CDON: variants seen among roughly 807,000 people sequenced by gnomAD.
CDON encodes the protein cell adhesion molecule-related/down-regulated by oncogenes.
A neutral mutation model predicts 120.9 loss-of-function variants in CDON; 73 were observed. The ratio of observed to expected loss-of-function variants is 0.60; its 90% confidence interval spans 0.50 to 0.73. CDON has a LOEUF of 0.73. Ranked by LOEUF, CDON falls within the 30% of genes least tolerant of loss-of-function variation. The pLI, the probability that CDON is intolerant of heterozygous loss-of-function variation, is 0.00. For missense variants in CDON, 1,470 were observed against 1,587.3 expected (o/e 0.93, Z 1.26); for synonymous variants, 566 against 573.5 (o/e 0.99, Z 0.19).
At chr11:126,043,431 T>C (rs565075976) in intron 1 of CDON, among the ~76,000 whole-genome samples, 1 of 152,318 alleles carries the variant, frequency 6.6e-6, no homozygotes, top group East Asian at 1.9e-4. Flanking sequence ...ACTTTCGTTC[T>C]TTTGTTGCTT....
chr11:125,971,410 A>ATTAATTAAT (rs1347556572), intron 18 of CDON, among the ~76,000 whole-genome samples: 3 of 150,752 alleles, frequency 2.0e-5, no homozygotes, highest in African/African-American at 7.4e-5. Flanking sequence ...AAATAAATAA[A>ATTAATTAAT]TAATAATAAT....
intron 1 of CDON, among the ~76,000 whole-genome samples, chr11:126,031,070 A>G (rs577227626): frequency 6.6e-5 from 10 of 152,352 alleles, no homozygotes; most frequent in Non-Finnish European, 1.5e-4. Flanking sequence ...ATAAAGAAAA[A>G]AGTCTTAAAT....
At position 126,018,347 on chromosome 11, in the gene CDON, C is replaced by T. The variant is rs754962623; in HGVS notation, c.623G>A (p.Arg208Gln). 10 of 1,613,724 alleles carry T rather than the reference C, an allele frequency of 6.2e-6. No homozygotes were observed. In the Admixed American group the frequency reaches 6.7e-5, roughly 11 times the overall value. Residue 208 changes from arginine (R) to glutamine (Q), a missense_variant, in exon 5 of 20, where the codon CGA becomes CAA. Physicochemically the swap from Arg to Gln is conservative, Grantham distance 43. Coordinates refer to ENST00000531738, the MANE Select transcript of CDON (RefSeq NM_001378964.1). Reference protein sequence around the residue: ...THQLKVEPIGRKLLVSRPSSD... With the variant: ...THQLKVEPIGQKLLVSRPSSD... The stretch of plus-strand genomic sequence containing the variant: ...ATACTTACGACTCACAAGGAGCTTT[C>T]GGCCAATAGGTTCAACTTTTAATTG...
Position 126,017,198 on chromosome 11 carries a change from G to A in CDON, c.818C>T (p.Ser273Phe), listed in dbSNP as rs1410881017. 1 of 1,614,184 alleles carries A rather than the reference G, an allele frequency of 6.2e-7. No homozygotes were observed. Among genetic ancestry groups the A allele is most frequent in the East Asian group, 2.2e-5 (1 of 44,884 alleles). ...APGSNWRRLY[S>F]HLATDSVDPA... Reference sequence around the variant, plus strand: ...GTCAACGCTATCAGTGGCAAGATGAGAATACAACCTTCTCCAGTTGCTTCC... The same window carrying A: ...GTCAACGCTATCAGTGGCAAGATGAAAATACAACCTTCTCCAGTTGCTTCC... The change falls in exon 6 of 20, where the codon TCT becomes TTT. Residue 273 changes from serine (S) to phenylalanine (F), a missense_variant. Transcript: ENST00000531738.
intron 15 of CDON, 75 bp downstream of exon 15, chr11:125,989,560 AAT>A: frequency 2.2e-6 from 3 of 1,385,364 alleles, no homozygotes; most frequent in Non-Finnish European, 3.1e-6. Flanking sequence ...CAAAACCCAG[AAT>A]ATATCAGTAG....
Position 125,980,238 on chromosome 11 carries a change from TCTA to T in CDON, c.3276+808_3276+810del, listed in dbSNP as rs1438221430. Among the ~76,000 whole-genome samples, 5 of 152,336 alleles carry T rather than the reference TCTA, an allele frequency of 3.3e-5. No homozygotes were observed. In the East Asian group the frequency reaches 9.6e-4, roughly 29 times the overall value. On this transcript the variant is annotated intron_variant, in intron 17 of 19. Transcript: ENST00000531738. ...CGTAAGTCTAAAATATGCTAGTCAT[TCTA>T]CTACCATTTCAAAAATTAAACGCTA...
chr11:125,966,285 G>T (rs1356741826), intron 18 of CDON, among the ~76,000 whole-genome samples: 1 of 152,198 alleles, frequency 6.6e-6, no homozygotes, highest in Admixed American at 6.5e-5. Flanking sequence ...AATTTTAACA[G>T]AGAACTAGAA....
At chr11:126,024,484 G>T (rs1947732504) in intron 1 of CDON, among the ~76,000 whole-genome samples, 1 of 152,128 alleles carries the variant, frequency 6.6e-6, no homozygotes, top group African/African-American at 2.4e-5. Flanking sequence ...ATAGAGTGTG[G>T]GACACAGATG....
Position 125,978,361 on chromosome 11 carries a change from A to G in CDON, c.3299T>C (p.Val1100Ala). The change falls in exon 18 of 20, where the codon GTG becomes GCG. Residue 1100 changes from valine (V) to alanine (A), a missense_variant. Val to Ala is a moderately conservative substitution (Grantham distance 64, BLOSUM62 0). Coordinates refer to ENST00000531738, the MANE Select transcript of CDON (RefSeq NM_001378964.1). ...ACACTCCAGAGGGTCAATCTGAGGC[A>G]CGGCCGTGTACATTCCACCACCCTG... The part of the protein sequence containing the change: ...LVNGGGMYTA[V>A]PQIDPLECVN... The G allele has an allele frequency of 6.2e-7, 1 of 1,607,622 alleles. No individual in the cohort carries two copies. Among genetic ancestry groups the G allele is most frequent in the Non-Finnish European group, 8.5e-7 (1 of 1,175,554 alleles).
rs1478825437 is a variant in CDON at position 125,977,019 on chromosome 11, A to G, written c.3356+1285T>C. ...ACAAAAGAAAACACGTTAAAATTTT[A>G]AGCAAGACCACTTGTAACTAAATCC... On this transcript the variant is annotated intron_variant, in intron 18 of 19. Transcript: ENST00000531738. 2.0e-5 allele frequency among the ~76,000 whole-genome samples: 3 copies of G among 152,216 alleles called. No homozygotes were observed. The East Asian group carries it at 5.8e-4, about 29-fold the overall frequency.
chr11:126,042,033 A>C (rs1174573828), intron 1 of CDON, among the ~76,000 whole-genome samples: 1 of 152,014 alleles, frequency 6.6e-6, no homozygotes, highest in Non-Finnish European at 1.5e-5. Context: ...TACAGGCATG[A>C]GCCACCACGC....
chr11:125,964,169 A>G (rs1040191808), intron 18 of CDON, among the ~76,000 whole-genome samples: 1 of 152,148 alleles, frequency 6.6e-6, no homozygotes, highest in African/African-American at 2.4e-5. Context: ...GAATCTACAG[A>G]CTCTAAACGG....
intron 17 of CDON, among the ~76,000 whole-genome samples, chr11:125,980,182 T>C (rs901010730): frequency 6.6e-6 from 1 of 152,196 alleles, no homozygotes; most frequent in Non-Finnish European, 1.5e-5. Context: ...AACAATGTCA[T>C]AAATCAAACT....
At chr11:126,036,326 A>G (rs1487651658) in intron 1 of CDON, among the ~76,000 whole-genome samples, 1 of 152,238 alleles carries the variant, frequency 6.6e-6, no homozygotes, top group African/African-American at 2.4e-5. Flanking sequence ...CCAAAAAATC[A>G]AGAACATCAA....
chr11:125,987,185 G>A (rs1023160258), intron 15 of CDON, among the ~76,000 whole-genome samples: 4 of 152,184 alleles, frequency 2.6e-5, no homozygotes, highest in African/African-American at 9.7e-5. Flanking sequence ...GTTAAAAACT[G>A]AGGACAGATG....
chr11:126,017,411 G>A, intron 5 of CDON, 36 bp from the exon 6 acceptor site: 1 of 1,596,942 alleles, frequency 6.3e-7, no homozygotes, highest in East Asian at 2.2e-5. Flanking sequence ...TTATTAGTAA[G>A]TCTTCGATTC....
intron 1 of CDON, among the ~76,000 whole-genome samples, chr11:126,035,900 G>A (rs78528957): frequency 0.023 from 3,448 of 152,148 alleles, 111 homozygotes; most frequent in African/African-American, 0.077. Flanking sequence ...CATCAGGTCC[G>A]GCCTGACTAT....
At chr11:126,018,247 T>G in intron 5 of CDON, 83 bp downstream of exon 5, 1 of 1,392,000 alleles carries the variant, frequency 7.2e-7, no homozygotes, top group East Asian at 2.3e-5. Context: ...AAACAGGATT[T>G]GAAAAAAAAA....
chr11:126,005,522 A>G (rs2134596977), intron 9 of CDON: 1 of 566,484 alleles, frequency 1.8e-6, no homozygotes, highest in Non-Finnish European at 3.2e-6. Context: ...TTGAATACAC[A>G]TGTAAAGACA....
Sources: gnomAD v4.1 joint callset for allele counts (sites outside exome capture counted in the v4.1 genomes callset) on GRCh38, gnomAD v4.1.1 for gene constraint, MANE v1.5 for transcripts, NCBI Gene and HGNC (gene_info 2026-07-23, HGNC 2026-07-21) for gene names.